The following KCNH1 variants were observed in gnomAD, a reference collection of about 807,000 sequenced individuals.
KCNH1 encodes potassium voltage-gated channel subfamily H member 1.
A neutral mutation model predicts 69.2 loss-of-function variants in KCNH1; 27 were observed. The observed-to-expected ratio is 0.39, with a 90% CI of 0.29 to 0.54. The LOEUF (loss-of-function observed/expected upper bound fraction) is 0.54. Among genes scored for constraint, KCNH1 ranks in the 20% least tolerant of loss-of-function variants. The pLI, the probability that KCNH1 is intolerant of heterozygous loss-of-function variation, is 0.68. For missense variants in KCNH1, 798 were observed against 1,261.6 expected, an observed-to-expected ratio of 0.63 and a Z score of 5.57; for synonymous variants, 456 against 487.7, an observed-to-expected ratio of 0.93 and a Z score of 0.86.
chr1:211,093,617 C>T (rs1462974402), intron 3 of KCNH1, among the ~76,000 whole-genome samples: 1 of 152,202 alleles, frequency 6.6e-6, no homozygotes, highest in Non-Finnish European at 1.5e-5. Flanking sequence ...ACTACTCTGA[C>T]CATTCCTTTG....
rs1371651927 is a variant in KCNH1 at position 210,682,232 on chromosome 1, C to T, written c.*1049G>A. On this transcript the variant is annotated 3_prime_UTR_variant, in exon 11 of 11. Transcript: ENST00000271751. ...AAGGCCCAGCATGGCTCCCAAGTGC[C>T]TATAATGACCCCGTGCGGTGAACAA... 2 of 152,190 alleles carry T rather than the reference C, an allele frequency of 1.3e-5. No individual in the cohort carries two copies. The highest frequency in any genetic ancestry group is 2.9e-5 in the Non-Finnish European group (2 of 68,040). 9.4% of individuals were successfully genotyped at this position (152,190 alleles called of 1,614,324 possible). A position where few individuals can be genotyped will look rare whatever the true frequency, so the allele number is the denominator to read the frequency against.
intron 7 of KCNH1, among the ~76,000 whole-genome samples, chr1:210,873,591 T>C (rs1574310176): frequency 6.6e-6 from 1 of 151,660 alleles, no homozygotes; most frequent in East Asian, 1.9e-4. Context: ...TCAGCCATCC[T>C]CCTAATTCAG....
intron 6 of KCNH1, among the ~76,000 whole-genome samples, chr1:210,947,661 C>G (rs1424887327): frequency 1.3e-5 from 2 of 151,518 alleles, no homozygotes; most frequent in Admixed American, 1.3e-4. Context: ...CACTGAGATA[C>G]ACCACTGGTA....
intron 1 of KCNH1, chr1:211,132,587 G>A (rs939657530): frequency 2.0e-5 from 3 of 152,188 alleles, no homozygotes; most frequent in South Asian, 2.1e-4. Flanking sequence ...TTAAATCACT[G>A]TTTAATTAAA....
At chr1:210,840,900 C>T (rs1685391880) in intron 7 of KCNH1, among the ~76,000 whole-genome samples, 1 of 152,148 alleles carries the variant, frequency 6.6e-6, no homozygotes, top group Admixed American at 6.5e-5. Flanking sequence ...GGTGATCAGA[C>T]TTCACTAACA....
chr1:210,861,824 C>A (rs1685984506), intron 7 of KCNH1: 1 of 760,012 alleles, frequency 1.3e-6, no homozygotes, highest in Non-Finnish European at 2.4e-6. Context: ...TAAGTTTTCA[C>A]AAGCTGATAA....
At chr1:210,725,419 G>T (rs1484772444) in intron 10 of KCNH1, among the ~76,000 whole-genome samples, 1 of 152,122 alleles carries the variant, frequency 6.6e-6, no homozygotes, top group Non-Finnish European at 1.5e-5. Context: ...GTAATGTCCA[G>T]ACTCAGATCT....
intron 5 of KCNH1, among the ~76,000 whole-genome samples, chr1:211,063,128 TA>T (rs1479096092): frequency 6.6e-6 from 1 of 152,080 alleles, no homozygotes; most frequent in African/African-American, 2.4e-5. Context: ...TATTCAACCA[TA>T]AAAAAGAATG....
intron 7 of KCNH1, among the ~76,000 whole-genome samples, chr1:210,809,690 C>G (rs2102413714): frequency 6.6e-6 from 1 of 152,270 alleles, no homozygotes; most frequent in Non-Finnish European, 1.5e-5. Flanking sequence ...TGAGTGGTCT[C>G]TTATCAGGAA....
At chr1:210,908,976 C>T (rs562361783) in intron 7 of KCNH1, among the ~76,000 whole-genome samples, 1 of 152,336 alleles carries the variant, frequency 6.6e-6, no homozygotes, top group South Asian at 2.1e-4. Context: ...TCTCTCCTTG[C>T]CAAGCTTTCT....
intron 6 of KCNH1, among the ~76,000 whole-genome samples, chr1:210,932,519 C>T (rs1006499304): frequency 3.5e-5 from 5 of 143,524 alleles, no homozygotes; most frequent in Non-Finnish European, 7.6e-5. Context: ...TCAATAATAA[C>T]CTTTAATGTA....
chr1:211,059,082 C>A (rs1690371015), intron 5 of KCNH1, among the ~76,000 whole-genome samples: 1 of 151,712 alleles, frequency 6.6e-6, no homozygotes, highest in African/African-American at 2.4e-5. Context: ...AGTTCAAGAC[C>A]ATCCTGGCTA....
chr1:210,763,337 C>T (rs1683560055), intron 10 of KCNH1, among the ~76,000 whole-genome samples: 1 of 152,102 alleles, frequency 6.6e-6, no homozygotes. Flanking sequence ...TCACTCTCAT[C>T]ACTCCTATTC....
chr1:210,729,587 T>C (rs577161607), intron 10 of KCNH1, among the ~76,000 whole-genome samples: 2 of 152,242 alleles, frequency 1.3e-5, no homozygotes, highest in Non-Finnish European at 2.9e-5. Flanking sequence ...GGTATAATTT[T>C]TAAAGTAAAT....
At chr1:210,943,108 T>G (rs2102590184) in intron 6 of KCNH1, among the ~76,000 whole-genome samples, 1 of 152,298 alleles carries the variant, frequency 6.6e-6, no homozygotes, top group East Asian at 1.9e-4. Context: ...TTTCCCCATT[T>G]TATGTGAATG....
intron 7 of KCNH1, among the ~76,000 whole-genome samples, chr1:210,882,055 G>T (rs1275131292): frequency 6.6e-6 from 1 of 152,154 alleles, no homozygotes; most frequent in African/African-American, 2.4e-5. Flanking sequence ...TGTCAATGTA[G>T]TTTCATCAAT....
intron 10 of KCNH1, among the ~76,000 whole-genome samples, chr1:210,771,467 G>C (rs529571521): frequency 6.6e-6 from 1 of 152,316 alleles, no homozygotes; most frequent in East Asian, 1.9e-4. Flanking sequence ...CTCCTTTGCT[G>C]CAAGAGGTGC....
At chr1:210,992,202 A>G (rs1688950509) in intron 6 of KCNH1, among the ~76,000 whole-genome samples, 1 of 152,222 alleles carries the variant, frequency 6.6e-6, no homozygotes, top group Admixed American at 6.5e-5. Context: ...ACCGCAATTC[A>G]GAGGATAACC....
At chr1:211,051,511 G>A (rs1446685845) in intron 5 of KCNH1, among the ~76,000 whole-genome samples, 2 of 152,160 alleles carry the variant, frequency 1.3e-5, no homozygotes, top group Non-Finnish European at 2.9e-5. Context: ...AGAGTAGGAA[G>A]TAGCCCAGCC....
Sources: gnomAD v4.1 joint callset for allele counts (sites outside exome capture counted in the v4.1 genomes callset) on GRCh38, gnomAD v4.1.1 for gene constraint, MANE v1.5 for transcripts, NCBI Gene and HGNC (gene_info 2026-07-23, HGNC 2026-07-21) for gene names.